Variants in HTR3B observed in about 807,000 individuals in gnomAD.
The protein encoded by HTR3B is 5-hydroxytryptamine receptor 3B, also known as 5-hydroxytryptamine (serotonin) receptor 3B, ionotropic.
In HTR3B, 44 loss-of-function variants were observed where a neutral mutation model predicts 42.8. The observed-to-expected ratio is 1.03, with a 90% CI of 0.81 to 1.32. The LOEUF is 1.32. HTR3B is among the 40% of genes most tolerant of loss of function. HTR3B has a pLI of 0.00. For missense variants in HTR3B, 527 were observed against 536.5 expected (o/e 0.98, Z 0.17); for synonymous variants, 203 against 209.0 (o/e 0.97, Z 0.25).
chr11:113,899,120 AT>A, the HTR3B span, among the ~76,000 whole-genome samples: 1 of 152,158 alleles, frequency 6.6e-6, no homozygotes, highest in African/African-American at 2.4e-5. Context: ...CTTATATCTT[AT>A]GCTCTATGAC....
intron 2 of HTR3B, among the ~76,000 whole-genome samples, chr11:113,912,872 C>T (rs1392980038): frequency 1.3e-5 from 2 of 150,990 alleles, no homozygotes; most frequent in Non-Finnish European, 1.5e-5. Context: ...TAAGCCTTCT[C>T]TTATTTTTAA....
intron 2 of HTR3B, among the ~76,000 whole-genome samples, chr11:113,930,468 G>A (rs184272663): frequency 9.7e-4 from 144 of 148,208 alleles, no homozygotes; most frequent in African/African-American, 3.5e-3. Flanking sequence ...TTGGTGAGGA[G>A]GGTTTTTTTT....
chr11:113,944,610 C>T lies in HTR3B; in HGVS notation c.945C>T (p.Leu315=). The part of the protein sequence containing the change: ...FFTICMAFLV[L]SLAKSIVLVK... ...CCATCTGCATGGCCTTCTTGGTTCTCAGCTTAGCTAAGTCCATCGTGTTGG... is the reference window on the plus strand; with the variant it reads ...CCATCTGCATGGCCTTCTTGGTTCTTAGCTTAGCTAAGTCCATCGTGTTGG... The change falls in exon 8 of 9, where the codon CTC becomes CTT. Residue 315 remains leucine (L), a synonymous_variant. Coordinates refer to ENST00000260191, the MANE Select transcript of HTR3B (RefSeq NM_006028.5). 2 of 1,614,228 alleles carry T rather than the reference C, an allele frequency of 1.2e-6. No homozygotes were observed. Among genetic ancestry groups the T allele is most frequent in the South Asian group, 2.2e-5 (2 of 91,086 alleles).
intron 1 of HTR3B, among the ~76,000 whole-genome samples, chr11:113,908,114 C>G (rs990368080): frequency 2.6e-4 from 40 of 152,166 alleles, no homozygotes; most frequent in African/African-American, 9.7e-4. Flanking sequence ...ATTCCCAGTT[C>G]CGACGGTAAT....
chr11:113,932,349 T>C lies in HTR3B; in HGVS notation c.429T>C (p.Ile143=). 4 of 1,613,384 alleles carry C rather than the reference T, an allele frequency of 2.5e-6. No homozygotes were observed. The highest frequency in any genetic ancestry group is 3.4e-6 in the Non-Finnish European group (4 of 1,179,324). The change falls in exon 5 of 9, where the codon ATT becomes ATC. Residue 143 remains isoleucine (I), a synonymous_variant. Transcript: ENST00000260191. ...TTTATGTGAACTCATCTGGGACCAT[T>C]GAGAACTATAAGCCCATCCAGGTGG... ...PYVYVNSSGT[I]ENYKPIQVVS...
intron 2 of HTR3B, among the ~76,000 whole-genome samples, chr11:113,926,566 T>C (rs143929920): frequency 9.1e-4 from 135 of 148,292 alleles, no homozygotes; most frequent in Non-Finnish European, 1.7e-3. Context: ...TCTCACTCTG[T>C]CACCCAGGCT....
intron 2 of HTR3B, among the ~76,000 whole-genome samples, chr11:113,911,380 G>T (rs1318599352): frequency 6.6e-6 from 1 of 151,512 alleles, no homozygotes; most frequent in Admixed American, 6.6e-5. Context: ...ACAGGCATGC[G>T]CCACCACATC....
Position 113,904,895 on chromosome 11 carries a change from G to A in HTR3B, c.-39G>A, listed in dbSNP as rs200449372. On this transcript the variant is annotated 5_prime_UTR_variant, in exon 1 of 9. Transcript: ENST00000260191. Reference sequence around the variant, plus strand: ...AAATTGAGCGGCATTCCATCTGGTAGGCAAGTTTGCATTTCTCCTTTTTGG... The same window carrying A: ...AAATTGAGCGGCATTCCATCTGGTAAGCAAGTTTGCATTTCTCCTTTTTGG... 173 of 1,560,654 alleles carry A rather than the reference G, an allele frequency of 1.1e-4. No individual in the cohort carries two copies. In the African/African-American group the frequency reaches 1.2e-3, roughly 11 times the overall value.
Position 113,932,900 on chromosome 11 carries a change from C to T in HTR3B, c.539-36C>T, listed in dbSNP as rs751813388. 14 of 1,600,772 alleles carry T rather than the reference C, an allele frequency of 8.7e-6. No homozygotes were observed. The Admixed American group carries it at 1.2e-4, about 14-fold the overall frequency. ...AGTGGGTGGATGTTGGCATCTCTTTCTCTCTGGGAAAGTCAATTGTTTGTG... is the reference window on the plus strand; with the variant it reads ...AGTGGGTGGATGTTGGCATCTCTTTTTCTCTGGGAAAGTCAATTGTTTGTG... On this transcript the variant is annotated intron_variant, in intron 5 of 8. Coordinates refer to ENST00000260191, the MANE Select transcript of HTR3B (RefSeq NM_006028.5).
At chr11:113,942,225 G>A (rs748263155) in intron 6 of HTR3B, among the ~76,000 whole-genome samples, 2 of 152,104 alleles carry the variant, frequency 1.3e-5, no homozygotes, top group African/African-American at 4.8e-5. Flanking sequence ...GCAGTGAGCC[G>A]AGGTCGCACC....
At chr11:113,920,396 G>C (rs1949901430) in intron 2 of HTR3B, among the ~76,000 whole-genome samples, 1 of 148,852 alleles carries the variant, frequency 6.7e-6, no homozygotes, top group African/African-American at 2.5e-5. Flanking sequence ...TGTTTTTTGA[G>C]ATGGAGACTC....
intron 6 of HTR3B, among the ~76,000 whole-genome samples, chr11:113,937,253 C>A (rs1950099059): frequency 6.6e-6 from 1 of 152,166 alleles, no homozygotes; most frequent in Non-Finnish European, 1.5e-5. Context: ...AGAGAGGTCG[C>A]CCTCAGAAAG....
upstream of HTR3B, among the ~76,000 whole-genome samples, chr11:113,901,831 A>G (rs577165271): frequency 1.3e-5 from 2 of 152,336 alleles, no homozygotes; most frequent in African/African-American, 4.8e-5. Flanking sequence ...GCTTACTACA[A>G]TGCATGGCAA....
At chr11:113,942,111 T>A (rs1950139890) in intron 6 of HTR3B, among the ~76,000 whole-genome samples, 2 of 152,098 alleles carry the variant, frequency 1.3e-5, no homozygotes, top group South Asian at 4.1e-4. Flanking sequence ...GGCTCACACC[T>A]GTAATCCCAG....
At chr11:113,919,321 A>G (rs2137501672) in intron 2 of HTR3B, among the ~76,000 whole-genome samples, 1 of 152,232 alleles carries the variant, frequency 6.6e-6, no homozygotes, top group East Asian at 1.9e-4. Flanking sequence ...TTTATCTTCA[A>G]TTTTACATTT....
intron 2 of HTR3B, among the ~76,000 whole-genome samples, chr11:113,915,019 G>A (rs1426208209): frequency 6.6e-6 from 1 of 152,034 alleles, no homozygotes; most frequent in East Asian, 1.9e-4. Context: ...TATTGACTTA[G>A]TTGTTCATAT....
chr11:113,919,085 T>TTAATA (rs1949886351), intron 2 of HTR3B, among the ~76,000 whole-genome samples: 8 of 152,218 alleles, frequency 5.3e-5, no homozygotes, highest in African/African-American at 1.9e-4. Context: ...ATTTTTAAAT[T>TTAATA]TTTAATAAAT....
chr11:113,926,468 T>TTTCCTTTCC lies in HTR3B; in HGVS notation c.214-4914_214-4913insCCTTTCCTT, dbSNP rs1949973855. 1.5e-3 allele frequency among the ~76,000 whole-genome samples: 117 copies of TTTCCTTTCC among 80,352 alleles called. 5 individuals carry two copies. The highest frequency in any genetic ancestry group is 4.5e-3 in the African/African-American group (87 of 19,270). 52.7% of individuals were successfully genotyped at this position (80,352 alleles called of 152,430 possible). A position where few individuals can be genotyped will look rare whatever the true frequency, so the allele number is the denominator to read the frequency against. Reference sequence around the variant, plus strand: ...ACTGCTTTTCCTTTCCTTTCCTTTCTTTTCCTTTCCTTTCCTTTCCTTTCC... The same window carrying TTTCCTTTCC: ...ACTGCTTTTCCTTTCCTTTCCTTTCTTTCCTTTCCTTTCCTTTCCTTTCCTTTCCTTTCC... On this transcript the variant is annotated intron_variant, in intron 2 of 8. Coordinates refer to ENST00000260191, the MANE Select transcript of HTR3B (RefSeq NM_006028.5).
intron 1 of HTR3B, among the ~76,000 whole-genome samples, chr11:113,905,280 A>C (rs887319352): frequency 6.6e-6 from 1 of 152,198 alleles, no homozygotes; most frequent in Non-Finnish European, 1.5e-5. Context: ...CTAGAAATCA[A>C]GCTCTCTGCA....
Sources: allele counts gnomAD v4.1 joint callset (sites outside exome capture counted in the v4.1 genomes callset), GRCh38; gene constraint gnomAD v4.1.1; transcripts MANE v1.5; gene names NCBI Gene and HGNC (gene_info 2026-07-23, HGNC 2026-07-21).